Variants in VPS41 observed in about 807,000 individuals in gnomAD.
The protein encoded by VPS41 is vacuolar protein sorting-associated protein 41 homolog.
VPS41 carries 85 observed loss-of-function variants against 130.9 expected under a neutral mutation model. The ratio of observed to expected loss-of-function variants is 0.65; its 90% CI spans 0.55 to 0.78. The LOEUF is 0.78. Ranked by LOEUF, VPS41 falls within the 30% of genes least tolerant of loss-of-function variation. The pLI is 0.00. For synonymous variants in VPS41, 335 were observed against 332.9 expected (o/e 1.01, Z -0.07); for missense variants, 874 against 1,018.7 (o/e 0.86, Z 1.93).
intron 25 of VPS41, among the ~76,000 whole-genome samples, chr7:38,729,757 T>A (rs2115558946): frequency 6.6e-6 from 1 of 152,250 alleles, no homozygotes; most frequent in South Asian, 2.1e-4. Flanking sequence ...GATCCTCCCC[T>A]GCTTTTAGGT....
At chr7:38,760,612 T>C (rs1265078458) in intron 17 of VPS41, among the ~76,000 whole-genome samples, 2 of 152,084 alleles carry the variant, frequency 1.3e-5, no homozygotes, top group African/African-American at 2.4e-5. Flanking sequence ...CTGCTTGCTC[T>C]TTCCCCTTTA....
chr7:38,842,470 G>A (rs2116227759), intron 4 of VPS41, among the ~76,000 whole-genome samples: 1 of 152,252 alleles, frequency 6.6e-6, no homozygotes, highest in African/African-American at 2.4e-5. Flanking sequence ...GTTTGCCCTT[G>A]TGTCTATCAC....
rs370609520 is a variant in VPS41, at chr7:38,898,085, C to T, written c.60+6G>A. 5 of 1,613,586 alleles carry T rather than the reference C, an allele frequency of 3.1e-6. No individual in the cohort carries two copies. Among genetic ancestry groups the T allele is most frequent in the African/African-American group, 1.3e-5 (1 of 75,024 alleles). ...AAATCCGAGGGCTCCTGAGTCACCA[C>T]CTTACCTCAGACTCATCTGTAGATT... On this transcript the variant is annotated splice_donor_region_variant and intron_variant, in intron 2 of 28. Coordinates refer to ENST00000310301, the MANE Select transcript of VPS41 (RefSeq NM_014396.4).
At chr7:38,783,662 G>A (rs1784391662) in intron 10 of VPS41, among the ~76,000 whole-genome samples, 1 of 152,104 alleles carries the variant, frequency 6.6e-6, no homozygotes, top group Non-Finnish European at 1.5e-5. Context: ...GGAAACAGCA[G>A]CAATAATCAT....
intron 9 of VPS41, among the ~76,000 whole-genome samples, chr7:38,794,052 A>G (rs1784578498): frequency 6.6e-6 from 1 of 152,214 alleles, no homozygotes; most frequent in Non-Finnish European, 1.5e-5. Flanking sequence ...TACCAGAGAA[A>G]GAATTTCTGG....
intron 4 of VPS41, among the ~76,000 whole-genome samples, chr7:38,834,653 G>A (rs1584419100): frequency 6.6e-6 from 1 of 152,000 alleles, no homozygotes; most frequent in South Asian, 2.1e-4. Context: ...TTTACTACAC[G>A]TTTTATGTAA....
chr7:38,743,611 A>AT (rs775602573), intron 23 of VPS41, 69 bp from the exon 24 acceptor site: 1 of 1,545,756 alleles, frequency 6.5e-7, no homozygotes, highest in East Asian at 2.4e-5. Flanking sequence ...AAGAAATTGC[A>AT]TATCTCTTAA....
intron 2 of VPS41, among the ~76,000 whole-genome samples, chr7:38,884,647 G>A (rs773701208): frequency 1.2e-4 from 19 of 152,092 alleles, no homozygotes; most frequent in African/African-American, 1.9e-4. Flanking sequence ...GAGCCACTGC[G>A]CCTGGCCTAC....
At chr7:38,848,001 GA>G in intron 4 of VPS41, among the ~76,000 whole-genome samples, 1 of 152,292 alleles carries the variant, frequency 6.6e-6, no homozygotes, top group South Asian at 2.1e-4. Flanking sequence ...TCCAACATAT[GA>G]CGAAGAAAGA....
intron 2 of VPS41, among the ~76,000 whole-genome samples, chr7:38,883,956 T>C (rs1786666902): frequency 6.6e-6 from 1 of 152,244 alleles, no homozygotes; most frequent in Admixed American, 6.5e-5. Flanking sequence ...AGCAAGTTTG[T>C]AAGCCAAGTG....
intron 2 of VPS41, among the ~76,000 whole-genome samples, chr7:38,873,478 G>A (rs1385484073): frequency 6.6e-6 from 1 of 151,990 alleles, no homozygotes; most frequent in Non-Finnish European, 1.5e-5. Context: ...CATGCAGTTT[G>A]GACTTCCACG....
intron 22 of VPS41, among the ~76,000 whole-genome samples, chr7:38,750,551 T>C (rs1015730165): frequency 2.0e-5 from 3 of 152,202 alleles, no homozygotes. Context: ...ACATTCAATA[T>C]GTTGTTTCCA....
chr7:38,840,996 T>C (rs1166258452), intron 4 of VPS41, among the ~76,000 whole-genome samples: 1 of 152,226 alleles, frequency 6.6e-6, no homozygotes, highest in Non-Finnish European at 1.5e-5. Flanking sequence ...GAGTTGCCAC[T>C]GTGTTGGCAG....
At chr7:38,780,119 C>A (rs1014063040) in intron 10 of VPS41, among the ~76,000 whole-genome samples, 1 of 150,342 alleles carries the variant, frequency 6.7e-6, no homozygotes, top group Non-Finnish European at 1.5e-5. Context: ...AACATAAATT[C>A]TGCTAGAGAG....
intron 4 of VPS41, among the ~76,000 whole-genome samples, chr7:38,851,356 T>TGC (rs1584427443): frequency 2.6e-5 from 4 of 152,256 alleles, no homozygotes; most frequent in Non-Finnish European, 4.4e-5. Flanking sequence ...ACCACTGATC[T>TGC]GCTTTCTTTG....
chr7:38,845,978 A>AT (rs1358612935), intron 4 of VPS41, among the ~76,000 whole-genome samples: 1 of 152,254 alleles, frequency 6.6e-6, no homozygotes, highest in African/African-American at 2.4e-5. Flanking sequence ...TTCCTTGCTT[A>AT]TACATATATC....
At position 38,798,598 on chromosome 7, in the gene VPS41, A is replaced by T. The variant is rs542537827; in HGVS notation, c.451-1734T>A. Among the ~76,000 whole-genome samples, 3 of 152,222 alleles carry T rather than the reference A, an allele frequency of 2.0e-5. No homozygotes were observed. The East Asian group carries it at 5.8e-4, about 30-fold the overall frequency. On this transcript the variant is annotated intron_variant, in intron 7 of 28. Transcript: ENST00000310301. ...GTGAGCAACCACGCCTGGCCACAAC[A>T]ATTAAACATGATGAATTGATAAGAT...
chr7:38,831,473 C>T (rs952663303), intron 4 of VPS41: 16 of 225,990 alleles, frequency 7.1e-5, no homozygotes, highest in Non-Finnish European at 5.3e-5. Flanking sequence ...TACTGGAGAG[C>T]GTTGTTCTGT....
chr7:38,876,823 G>A (rs1786502646), intron 2 of VPS41, among the ~76,000 whole-genome samples: 1 of 151,992 alleles, frequency 6.6e-6, no homozygotes, highest in South Asian at 2.1e-4. Context: ...AATTCAAGGA[G>A]GAAAAAATAA....
Sources: allele counts gnomAD v4.1 joint callset (sites outside exome capture counted in the v4.1 genomes callset), GRCh38; gene constraint gnomAD v4.1.1; transcripts MANE v1.5; gene names NCBI Gene and HGNC (gene_info 2026-07-23, HGNC 2026-07-21).